Variants in COLEC12 observed in about 807,000 individuals in gnomAD.
The protein encoded by COLEC12 is collectin subfamily member 12.
Under a neutral mutation model 71.1 loss-of-function variants are expected in COLEC12, and 33 were observed. The observed-to-expected ratio is 0.46, with a 90% CI of 0.35 to 0.62. The LOEUF (loss-of-function observed/expected upper bound fraction) is 0.62. COLEC12 is among the 20% of genes least tolerant of loss of function. The pLI is 0.00. For synonymous variants in COLEC12, 350 were observed against 353.0 expected, an observed-to-expected ratio of 0.99 and a Z score of 0.10; for missense variants, 765 against 916.1, an observed-to-expected ratio of 0.84 and a Z score of 2.13.
At chr18:485,991 G>A (rs1205415683) in intron 1 of COLEC12, among the ~76,000 whole-genome samples, 1 of 152,188 alleles carries the variant, frequency 6.6e-6, no homozygotes, top group East Asian at 1.9e-4. Flanking sequence ...CTGAACAGTA[G>A]TTGTTGAAAA....
chr18:476,947 C>T (rs1209543472), intron 2 of COLEC12, among the ~76,000 whole-genome samples: 1 of 152,178 alleles, frequency 6.6e-6, no homozygotes, highest in Admixed American at 6.5e-5. Context: ...CCTTCAAAGT[C>T]TCCCCTCATT....
intron 1 of COLEC12, among the ~76,000 whole-genome samples, chr18:491,018 T>G (rs1268831048): frequency 6.6e-6 from 1 of 152,252 alleles, no homozygotes; most frequent in Non-Finnish European, 1.5e-5. Flanking sequence ...ATGGTATCAC[T>G]GGTTGTTAAA....
chr18:488,379 C>G (rs1917558284), intron 1 of COLEC12, among the ~76,000 whole-genome samples: 2 of 151,812 alleles, frequency 1.3e-5, no homozygotes, highest in African/African-American at 2.4e-5. Context: ...CCACTGCTCT[C>G]CAGACTGGGT....
At position 346,998 on chromosome 18, in the gene COLEC12, G is replaced by A. The variant is rs780378250; in HGVS notation, c.624C>T (p.Asn208=). 6.2e-7 allele frequency: 1 copy of A among 1,614,192 alleles called. No individual in the cohort carries two copies. Among genetic ancestry groups the A allele is most frequent in the East Asian group, 2.2e-5 (1 of 44,886 alleles). ...TCTGCTGCACCTGGGTCAGGTTCAG[G>A]TTGTTGAGGTTCATGATGACCACAT... ...SHNVVIMNLN[N]LNLTQVQQRN... Residue 208 remains asparagine (N), a synonymous_variant, in exon 5 of 10, where the codon AAC becomes AAT. Transcript: ENST00000400256. The surrounding 1 kb of genome is among the most constrained non-coding windows in gnomAD (Gnocchi z 4.0).
rs1332667951 is a variant in COLEC12, at chr18:334,724, G to A, written c.1816+18C>T. On this transcript the variant is annotated intron_variant, in intron 6 of 9. Transcript: ENST00000400256. ...GCACTGCCCTGTCCCCCTGGCTGGA[G>A]GGAGGGCTTGGACTTACCATTGTCC... 1 of 1,454,594 alleles carries A rather than the reference G, an allele frequency of 6.9e-7. No individual in the cohort carries two copies. The highest frequency in any genetic ancestry group is 1.5e-5 in the African/African-American group (1 of 67,548). 90.1% of individuals were successfully genotyped at this position (1,454,594 alleles called of 1,614,324 possible).
Position 347,233 on chromosome 18 carries a change from C to T in COLEC12, c.389G>A (p.Ser130Asn). The T allele has an allele frequency of 6.2e-7, 1 of 1,614,122 alleles. No homozygotes were observed. The highest frequency in any genetic ancestry group is 8.5e-7 in the Non-Finnish European group (1 of 1,180,026). The change falls in exon 5 of 10, where the codon AGC becomes AAC. Residue 130 changes from serine to asparagine, a missense_variant. Physicochemically the swap from Ser to Asn is conservative, Grantham distance 46. Transcript: ENST00000400256. ...CTTCTCCAGCGTATCCTTGTTCTTG[C>T]TGGTTTTTTCTGTAATCTCACGAAG... Reference protein sequence around the residue: ...QQLREITEKTSKNKDTLEKLQ... With the variant: ...QQLREITEKTNKNKDTLEKLQ...
chr18:441,839 A>G (rs1727591394), intron 2 of COLEC12, among the ~76,000 whole-genome samples: 1 of 149,974 alleles, frequency 6.7e-6, no homozygotes, highest in African/African-American at 2.5e-5. Context: ...TCTACAAAAA[A>G]AATACAAAAA....
At chr18:385,799 A>G (rs557938249) in intron 2 of COLEC12, among the ~76,000 whole-genome samples, 6 of 152,330 alleles carry the variant, frequency 3.9e-5, no homozygotes, top group Non-Finnish European at 8.8e-5. Context: ...AAGTACATAC[A>G]TGGAAGAAAG....
intron 2 of COLEC12, among the ~76,000 whole-genome samples, chr18:466,826 T>C (rs1917098166): frequency 1.3e-5 from 2 of 152,160 alleles, no homozygotes; most frequent in African/African-American, 4.8e-5. Context: ...CCTAAGTCCC[T>C]GGCCCTTGAG....
rs72856625 is a variant in COLEC12 at position 480,564 on chromosome 18, C to T, written c.58+143G>A. The stretch of plus-strand genomic sequence containing the variant: ...CCTCCCCCTGGGACACAGACACTCA[C>T]TTTCCAACCAAAATTGGACCTCAGA... On this transcript the variant is annotated intron_variant, in intron 2 of 9. Coordinates refer to ENST00000400256, the MANE Select transcript of COLEC12 (RefSeq NM_130386.3). This position sits in a 1 kb window ranked among gnomAD's most constrained non-coding sequence, Gnocchi z 4.1. 0.047 allele frequency: 35,464 copies of T among 751,016 alleles called. 1,110 individuals carry two copies. The highest frequency in any genetic ancestry group is 0.082 in the Middle Eastern group (352 of 4,282). The allele number at this position is 751,016 out of a possible 1,614,324, so 46.5% of individuals were successfully genotyped here.
intron 2 of COLEC12, among the ~76,000 whole-genome samples, chr18:444,717 A>T (rs974402474): frequency 6.6e-6 from 1 of 152,206 alleles, no homozygotes; most frequent in African/African-American, 2.4e-5. Flanking sequence ...CCCAATGTGA[A>T]AACAACTTTT....
At chr18:340,524 A>G (rs1914226853) in intron 5 of COLEC12, among the ~76,000 whole-genome samples, 1 of 152,220 alleles carries the variant, frequency 6.6e-6, no homozygotes, top group African/African-American at 2.4e-5. Flanking sequence ...ACCAAACTGT[A>G]GGCCTGAGAA....
chr18:406,584 C>T (rs925902855), intron 2 of COLEC12, among the ~76,000 whole-genome samples: 1 of 151,086 alleles, frequency 6.6e-6, no homozygotes, highest in Non-Finnish European at 1.5e-5. Flanking sequence ...ATAAAGTAGC[C>T]ATTATTTTAT....
chr18:406,369 C>T (rs1027164525), intron 2 of COLEC12, among the ~76,000 whole-genome samples: 8 of 151,548 alleles, frequency 5.3e-5, no homozygotes, highest in African/African-American at 1.2e-4. Context: ...ATTAGCCAGG[C>T]GCGGTGGCGG....
At chr18:453,127 C>T (rs1916794654) in intron 2 of COLEC12, among the ~76,000 whole-genome samples, 1 of 152,204 alleles carries the variant, frequency 6.6e-6, no homozygotes, top group Non-Finnish European at 1.5e-5. Flanking sequence ...TTCTCCACCC[C>T]AGTCCAACTT....
intron 2 of COLEC12, among the ~76,000 whole-genome samples, chr18:466,009 A>G (rs955307435): frequency 2.0e-5 from 3 of 152,198 alleles, no homozygotes; most frequent in Non-Finnish European, 4.4e-5. Context: ...TGGAGGTTGC[A>G]GCAAGCACAG....
rs1913866473 is a variant in COLEC12, at chr18:327,248, TA to T, written c.2063+4419del. 6.6e-6 allele frequency among the ~76,000 whole-genome samples: 1 copy of T among 152,350 alleles called. No individual in the cohort carries two copies. On this transcript the variant is annotated intron_variant, in intron 8 of 9. Coordinates refer to ENST00000400256, the MANE Select transcript of COLEC12 (RefSeq NM_130386.3). The surrounding 1 kb of genome is among the most constrained non-coding windows in gnomAD (Gnocchi z 4.0). The stretch of plus-strand genomic sequence containing the variant: ...TTGGAAATAATTATAGGTTTATTAT[TA>T]TTTTTTTTAATGCTGAGATTTGCTG...
At chr18:386,294 A>G (rs576281975) in intron 2 of COLEC12, among the ~76,000 whole-genome samples, 11 of 152,338 alleles carry the variant, frequency 7.2e-5, no homozygotes, top group South Asian at 4.1e-4. Context: ...GTAACCATAC[A>G]TGGGCAGGCA....
At chr18:409,432 G>T (rs1915851069) in intron 2 of COLEC12, among the ~76,000 whole-genome samples, 1 of 152,126 alleles carries the variant, frequency 6.6e-6, no homozygotes, top group Non-Finnish European at 1.5e-5. Flanking sequence ...TACTCGGGAG[G>T]CTGAGGCAGG....
Sources: allele counts gnomAD v4.1 joint callset (sites outside exome capture counted in the v4.1 genomes callset), GRCh38; gene constraint gnomAD v4.1.1; non-coding constraint Gnocchi (gnomAD v3.1); transcripts MANE v1.5; gene names NCBI Gene and HGNC (gene_info 2026-07-23, HGNC 2026-07-21).